The following SEMA5A variants were observed in gnomAD, a reference collection of about 807,000 sequenced individuals.
SEMA5A encodes semaphorin-5A.
In SEMA5A, 55 loss-of-function variants were observed where a neutral mutation model predicts 135.5. That is an observed-to-expected ratio of 0.41 (90% CI 0.33 to 0.51). SEMA5A has a LOEUF of 0.51. SEMA5A is among the 20% of genes least tolerant of loss of function. The probability of loss-of-function intolerance (pLI) is 0.37; values close to 1 mark genes in which losing one functional copy is unlikely to be tolerated. For synonymous variants in SEMA5A, 580 were observed against 546.5 expected (o/e 1.06, Z -0.85); for missense variants, 1,290 against 1,419.9 (o/e 0.91, Z 1.47).
At chr5:9,319,712 C>A (rs535555789) in intron 4 of SEMA5A, among the ~76,000 whole-genome samples, 1 of 151,762 alleles carries the variant, frequency 6.6e-6, no homozygotes, top group Non-Finnish European at 1.5e-5. Flanking sequence ...CAAATGAGCA[C>A]GAGGTGGGAT....
intron 3 of SEMA5A, among the ~76,000 whole-genome samples, chr5:9,357,407 A>G (rs1173795503): frequency 6.6e-6 from 1 of 152,220 alleles, no homozygotes; most frequent in East Asian, 1.9e-4. Context: ...TAATGCTGTC[A>G]TTCTAGAAGG....
intron 18 of SEMA5A, among the ~76,000 whole-genome samples, chr5:9,055,029 A>G (rs529605143): frequency 1.3e-5 from 2 of 152,304 alleles, no homozygotes; most frequent in South Asian, 2.1e-4. Flanking sequence ...TGCCTGCTCA[A>G]GTTAGCCTCC....
intron 1 of SEMA5A, among the ~76,000 whole-genome samples, chr5:9,478,625 C>T (rs903496935): frequency 1.3e-5 from 2 of 152,134 alleles, no homozygotes; most frequent in African/African-American, 4.8e-5. Flanking sequence ...CTTGCATGGG[C>T]CCTGTAGCCC....
intron 3 of SEMA5A, among the ~76,000 whole-genome samples, chr5:9,369,288 A>G (rs927428412): frequency 1.3e-5 from 2 of 152,182 alleles, no homozygotes; most frequent in Non-Finnish European, 2.9e-5. Context: ...ATTCCCACAC[A>G]GTGTATGGCT....
At chr5:9,260,960 G>A (rs1414614173) in intron 5 of SEMA5A, among the ~76,000 whole-genome samples, 3 of 84,798 alleles carry the variant, frequency 3.5e-5, no homozygotes, top group African/African-American at 1.2e-4. Flanking sequence ...AATTGTCCCT[G>A]TTTGCAGACG....
chr5:9,334,714 G>A (rs948619538), intron 4 of SEMA5A, among the ~76,000 whole-genome samples: 2 of 152,030 alleles, frequency 1.3e-5, no homozygotes, highest in Admixed American at 1.3e-4. Context: ...TTTATCAAGT[G>A]TCTATAATGT....
At chr5:9,438,271 C>G (rs2126673246) in intron 1 of SEMA5A, among the ~76,000 whole-genome samples, 1 of 152,204 alleles carries the variant, frequency 6.6e-6, no homozygotes, top group East Asian at 1.9e-4. Context: ...TTATACAATT[C>G]AAGAACAGGA....
chr5:9,050,373 G>A lies in SEMA5A; in HGVS notation c.2893+37C>T, dbSNP rs576071401. The A allele has an allele frequency of 4.1e-5, 64 of 1,555,058 alleles. 1 individual carries two copies. The South Asian group carries it at 6.8e-4, about 17-fold the overall frequency. On this transcript the variant is annotated intron_variant, in intron 21 of 22. Transcript: ENST00000382496. ...GAAGGGAAATGATTAGAATATATCA[G>A]TACATCCATTACAACTACTTAAAAG...
chr5:9,137,533 C>CA (rs1435399922), intron 12 of SEMA5A, among the ~76,000 whole-genome samples: 1 of 152,098 alleles, frequency 6.6e-6, no homozygotes, highest in African/African-American at 2.4e-5. Context: ...CATGGGCACG[C>CA]AGGACATTGA....
At chr5:9,319,564 G>A (rs372242950) in intron 4 of SEMA5A, among the ~76,000 whole-genome samples, 19 of 152,198 alleles carry the variant, frequency 1.2e-4, no homozygotes, top group African/African-American at 4.6e-4. Context: ...TGAAATCCTG[G>A]CATCATGTAA....
chr5:9,043,339 G>A, intron 22 of SEMA5A: 1 of 238,222 alleles, frequency 4.2e-6, no homozygotes, highest in Non-Finnish European at 8.2e-6. Context: ...CAAATTAACA[G>A]ACACTTTGAC....
At chr5:9,096,650 T>A (rs984047347) in intron 16 of SEMA5A, among the ~76,000 whole-genome samples, 15 of 151,034 alleles carry the variant, frequency 9.9e-5, no homozygotes, top group African/African-American at 2.2e-4. Context: ...TGTTTCCAAA[T>A]GAAATGGCAA....
At chr5:9,467,407 C>T (rs1009252950) in intron 1 of SEMA5A, among the ~76,000 whole-genome samples, 3 of 152,110 alleles carry the variant, frequency 2.0e-5, no homozygotes, top group Admixed American at 6.6e-5. Context: ...CCACCGCGCC[C>T]GGCTGCATGA....
At chr5:9,346,091 C>T (rs1328721546) in intron 3 of SEMA5A, among the ~76,000 whole-genome samples, 2 of 152,068 alleles carry the variant, frequency 1.3e-5, no homozygotes, top group Non-Finnish European at 2.9e-5. Flanking sequence ...TGTTCCCACC[C>T]CACCCCATCC....
chr5:9,219,944 T>C (rs945478264), intron 8 of SEMA5A, among the ~76,000 whole-genome samples: 1 of 152,046 alleles, frequency 6.6e-6, no homozygotes, highest in Non-Finnish European at 1.5e-5. Flanking sequence ...TAGGCGGGCA[T>C]GGTGTGAGTC....
chr5:9,387,285 C>A (rs1021136167), intron 2 of SEMA5A, among the ~76,000 whole-genome samples: 1 of 152,078 alleles, frequency 6.6e-6, no homozygotes, highest in African/African-American at 2.4e-5. Context: ...GCAGTGTCTT[C>A]GGGGTATCCT....
chr5:9,123,997 G>A lies in SEMA5A; in HGVS notation c.1600-1160C>T, dbSNP rs1452163307. Among the ~76,000 whole-genome samples, 22 of 152,156 alleles carry A rather than the reference G, an allele frequency of 1.4e-4. 1 individual carries two copies. On this transcript the variant is annotated intron_variant, in intron 13 of 22. Coordinates refer to ENST00000382496, the MANE Select transcript of SEMA5A (RefSeq NM_003966.3). ...AAAAGTGAAGAAAGAGCCAAGTAGAGGGGCTAGCAAGGGCTGGCAAGGATG... is the reference window on the plus strand; with the variant it reads ...AAAAGTGAAGAAAGAGCCAAGTAGAAGGGCTAGCAAGGGCTGGCAAGGATG...
chr5:9,216,731 G>A (rs1443763622), intron 8 of SEMA5A, among the ~76,000 whole-genome samples: 7 of 152,198 alleles, frequency 4.6e-5, no homozygotes, highest in Admixed American at 4.6e-4. Flanking sequence ...TTACCATTAT[G>A]TAATGCCTGT....
At position 9,150,868 on chromosome 5, in the gene SEMA5A, T is replaced by C. The variant is rs149050154; in HGVS notation, c.1481+3620A>G. 3.5e-3 allele frequency among the ~76,000 whole-genome samples: 540 copies of C among 152,350 alleles called. 2 individuals carry two copies. The highest frequency in any genetic ancestry group is 0.013 in the African/African-American group (521 of 41,586). On this transcript the variant is annotated intron_variant, in intron 12 of 22. Transcript: ENST00000382496. ...TGCCTGTCTGGGTACTGACCAGCTC[T>C]GCCTCTCAGTTTCACACATGAAGAG... is the stretch of plus-strand genomic sequence containing the variant.
Sources: gnomAD v4.1 joint callset for allele counts (sites outside exome capture counted in the v4.1 genomes callset) on GRCh38, gnomAD v4.1.1 for gene constraint, MANE v1.5 for transcripts, NCBI Gene and HGNC (gene_info 2026-07-23, HGNC 2026-07-21) for gene names.